STIM1: variants seen among roughly 807,000 people sequenced by gnomAD.
STIM1 encodes stromal interaction molecule 1.
STIM1 carries 25 observed loss-of-function variants against 74.7 expected under a neutral mutation model. That is an observed-to-expected ratio of 0.33 (90% CI 0.24 to 0.47). The LOEUF is 0.47. Among genes scored for constraint, STIM1 ranks in the 20% least tolerant of loss-of-function variants. The pLI, the probability that STIM1 is intolerant of heterozygous loss-of-function variation, is 1.00. For synonymous variants in STIM1, 328 were observed against 348.8 expected, an observed-to-expected ratio of 0.94 and a Z score of 0.66; for missense variants, 728 against 920.8, an observed-to-expected ratio of 0.79 and a Z score of 2.71.
chr11:3,962,445 T>TTGTGTGTG (rs139472251), intron 1 of STIM1, among the ~76,000 whole-genome samples: 77 of 147,724 alleles, frequency 5.2e-4, no homozygotes, highest in South Asian at 2.6e-3. Context: ...CTGAGTAGTA[T>TTGTGTGTG]TGTGTGTGTG....
intron 1 of STIM1, among the ~76,000 whole-genome samples, chr11:3,895,702 C>CT (rs1425674497): frequency 7.5e-4 from 22 of 29,394 alleles, no homozygotes; most frequent in East Asian, 2.3e-3. Flanking sequence ...TTCTTTCTTT[C>CT]TTTCTTTCTT....
chr11:4,041,352 T>C (rs1229459631), intron 3 of STIM1, among the ~76,000 whole-genome samples: 4 of 152,150 alleles, frequency 2.6e-5, no homozygotes, highest in Admixed American at 1.3e-4. Flanking sequence ...CCTGCTAGAG[T>C]AGAAGCCAAT....
At chr11:3,975,869 A>G (rs964643801) in intron 2 of STIM1, among the ~76,000 whole-genome samples, 1 of 152,234 alleles carries the variant, frequency 6.6e-6, no homozygotes, top group African/African-American at 2.4e-5. Flanking sequence ...GAGGAGGAAG[A>G]GCCACTGGAA....
intron 2 of STIM1, among the ~76,000 whole-genome samples, chr11:4,013,903 T>C (rs2093868455): frequency 1.3e-5 from 2 of 151,846 alleles, no homozygotes; most frequent in Admixed American, 1.3e-4. Context: ...GAGACAGGGT[T>C]TCACCGTGTT....
intron 1 of STIM1, among the ~76,000 whole-genome samples, chr11:3,883,378 A>G (rs986616105): frequency 2.0e-5 from 3 of 152,120 alleles, no homozygotes; most frequent in African/African-American, 7.2e-5. Context: ...TTTTTGAGAC[A>G]GAGTTTCACT....
chr11:4,033,743 C>T (rs1380256228), intron 3 of STIM1, among the ~76,000 whole-genome samples: 2 of 151,698 alleles, frequency 1.3e-5, no homozygotes, highest in Non-Finnish European at 2.9e-5. Context: ...CTACAGGTGC[C>T]CACCACTGCA....
intron 2 of STIM1, among the ~76,000 whole-genome samples, chr11:3,970,074 C>CCTT (rs1554961787): frequency 1.4e-5 from 2 of 139,074 alleles, no homozygotes; most frequent in Non-Finnish European, 3.1e-5. Context: ...GCTCCTCATC[C>CCTT]TTTTTTTTTT....
At chr11:3,969,360 G>C (rs993362224) in intron 2 of STIM1, among the ~76,000 whole-genome samples, 1 of 152,092 alleles carries the variant, frequency 6.6e-6, no homozygotes, top group Non-Finnish European at 1.5e-5. Flanking sequence ...GCATACACCT[G>C]TAGTCTCAGC....
chr11:4,079,734 C>G (rs1293245946), intron 7 of STIM1, among the ~76,000 whole-genome samples: 1 of 152,024 alleles, frequency 6.6e-6, no homozygotes, highest in African/African-American at 2.4e-5. Flanking sequence ...TGTTTTTCTC[C>G]CATGACCTAC....
At chr11:3,873,634 T>G (rs1344370339) in intron 1 of STIM1, among the ~76,000 whole-genome samples, 1 of 152,060 alleles carries the variant, frequency 6.6e-6, no homozygotes, top group African/African-American at 2.4e-5. Context: ...GTATAGCCAC[T>G]GGGGAATGGA....
In STIM1 at chr11:4,082,259, A is replaced by G; in HGVS notation, c.1045A>G (p.Lys349Glu). The G allele has an allele frequency of 6.2e-7, 1 of 1,614,076 alleles. No homozygotes were observed. The highest frequency in any genetic ancestry group is 1.1e-5 in the South Asian group (1 of 91,082). ...ATGGTATGCTCCAGAGGCCCTTCAG[A>G]AGTGGCTGCAGCTGACACATGAGGT... ...SSWYAPEALQ[K>E]WLQLTHEVEV... Residue 349 changes from lysine to glutamate, a missense_variant, in exon 8 of 13, where the codon AAG becomes GAG. Lys to Glu is a moderately conservative substitution (Grantham distance 56, BLOSUM62 1). This residue lies in a region of STIM1 where 131 missense variants were observed against 235.9 expected (regional missense o/e 0.56). Coordinates refer to ENST00000526596, the MANE Select transcript of STIM1 (RefSeq NM_001382567.1).
intron 2 of STIM1, among the ~76,000 whole-genome samples, chr11:4,006,331 G>T (rs1413684299): frequency 1.3e-5 from 2 of 152,172 alleles, no homozygotes; most frequent in African/African-American, 2.4e-5. Flanking sequence ...AAGCTGCTAT[G>T]CTTCCTGTAC....
At chr11:3,856,469 G>T in intron 1 of STIM1, 60 bp downstream of exon 1, 3 of 1,572,604 alleles carry the variant, frequency 1.9e-6, no homozygotes, top group South Asian at 2.3e-5. Flanking sequence ...TGAGTGGCCC[G>T]AAGTGGGCAA....
intron 2 of STIM1, among the ~76,000 whole-genome samples, chr11:3,995,108 C>T (rs2093652056): frequency 6.6e-6 from 1 of 150,402 alleles, no homozygotes; most frequent in Admixed American, 6.6e-5. Flanking sequence ...AATCTTTGGA[C>T]ATATTTATAA....
chr11:4,067,172 A>G (rs2094372907), intron 5 of STIM1, among the ~76,000 whole-genome samples: 1 of 152,156 alleles, frequency 6.6e-6, no homozygotes, highest in South Asian at 2.1e-4. Flanking sequence ...TAGTAACTCT[A>G]ATGCATTTTA....
intron 2 of STIM1, among the ~76,000 whole-genome samples, chr11:4,020,834 C>G (rs1486226773): frequency 2.6e-5 from 4 of 151,716 alleles, no homozygotes; most frequent in African/African-American, 9.7e-5. Context: ...AAATCCTGAT[C>G]TCAAGTGATC....
chr11:4,018,421 C>T lies in STIM1; in HGVS notation c.271-5452C>T, dbSNP rs555638877. Among the ~76,000 whole-genome samples, 491 of 125,550 alleles carry T rather than the reference C, an allele frequency of 3.9e-3. 4 individuals are homozygous for T. Among genetic ancestry groups the T allele is most frequent in the South Asian group, 0.021 (70 of 3,288 alleles). 82.4% of individuals were successfully genotyped at this position (125,550 alleles called of 152,430 possible). A position where few individuals can be genotyped will look rare whatever the true frequency, so the allele number is the denominator to read the frequency against. ...GAGCCGAGATTGCGCCACTGCAGTCCGCAGTCCGGCCTGGGCGACAGAGCG... is the reference window on the plus strand; with the variant it reads ...GAGCCGAGATTGCGCCACTGCAGTCTGCAGTCCGGCCTGGGCGACAGAGCG... On this transcript the variant is annotated intron_variant, in intron 2 of 12. Transcript: ENST00000526596.
intron 1 of STIM1, among the ~76,000 whole-genome samples, chr11:3,856,995 A>G (rs746983469): frequency 6.6e-6 from 1 of 151,870 alleles, no homozygotes. Context: ...CTAGGGTGTT[A>G]AATGGCCTTT....
chr11:3,970,074 C>CTTTTTTTTTTTTTTTTTTT (rs145136493), intron 2 of STIM1, among the ~76,000 whole-genome samples: 1 of 139,074 alleles, frequency 7.2e-6, no homozygotes, highest in Non-Finnish European at 1.6e-5. Context: ...GCTCCTCATC[C>CTTTTTTTTTTTTTTTTTTT]TTTTTTTTTT....
Sources: gnomAD v4.1 joint callset for allele counts (sites outside exome capture counted in the v4.1 genomes callset) on GRCh38, gnomAD v4.1.1 for gene constraint, gnomAD v4.1.1 regional missense constraint, MANE v1.5 for transcripts, NCBI Gene and HGNC (gene_info 2026-07-23, HGNC 2026-07-21) for gene names.